Variants in PKN2 observed in about 807,000 individuals in gnomAD.
PKN2 encodes the protein serine/threonine-protein kinase N2.
PKN2 carries 38 observed loss-of-function variants against 119.1 expected under a neutral mutation model. The ratio of observed to expected loss-of-function variants is 0.32; its 90% CI spans 0.25 to 0.42. The LOEUF (loss-of-function observed/expected upper bound fraction) is 0.42. PKN2 is among the 10% of genes least tolerant of loss of function. PKN2 has a pLI of 1.00. For missense variants in PKN2, 850 were observed against 1,165.1 expected (o/e 0.73, Z 3.94); for synonymous variants, 390 against 384.9 (o/e 1.01, Z -0.15).
At chr1:88,684,738 T>A in intron 1 of PKN2, 110 bp downstream of exon 1, 1 of 940,308 alleles carries the variant, frequency 1.1e-6, no homozygotes, top group Non-Finnish European at 1.5e-6. Context: ...CCTAGCCCGC[T>A]AAGTGCGGAA....
chr1:88,757,172 G>C (rs1346509001), intron 2 of PKN2, among the ~76,000 whole-genome samples: 2 of 152,194 alleles, frequency 1.3e-5, no homozygotes, highest in Non-Finnish European at 2.9e-5. Context: ...AGTTAATTGT[G>C]TGGCTTTGCC....
chr1:88,800,078 A>C (rs571958069), intron 8 of PKN2, among the ~76,000 whole-genome samples: 2 of 152,002 alleles, frequency 1.3e-5, no homozygotes, highest in South Asian at 4.2e-4. Flanking sequence ...TTGGCGGTGG[A>C]GCCTGGTTCT....
intron 15 of PKN2, among the ~76,000 whole-genome samples, chr1:88,813,298 C>CACTA (rs1180669077): frequency 6.6e-6 from 1 of 152,016 alleles, no homozygotes; most frequent in Non-Finnish European, 1.5e-5. Context: ...CAACTGTAAC[C>CACTA]ACTAACCATG....
intron 6 of PKN2, among the ~76,000 whole-genome samples, chr1:88,775,508 T>C (rs766662500): frequency 2.6e-5 from 4 of 152,230 alleles, no homozygotes; most frequent in Non-Finnish European, 5.9e-5. Flanking sequence ...ATTCATTCAT[T>C]TACCGAAGGA....
chr1:88,832,906 C>A, intron 20 of PKN2, 55 bp downstream of exon 20: 1 of 1,249,038 alleles, frequency 8.0e-7, no homozygotes. Flanking sequence ...ATTTTTTATA[C>A]TAAAGAAAAT....
chr1:88,784,331 C>G (rs1019693611), intron 6 of PKN2, among the ~76,000 whole-genome samples: 1 of 151,870 alleles, frequency 6.6e-6, no homozygotes, highest in Admixed American at 6.6e-5. Flanking sequence ...CCATGTTGCC[C>G]AGGCTGGTCT....
intron 1 of PKN2, among the ~76,000 whole-genome samples, chr1:88,689,642 C>G (rs565859750): frequency 2.0e-5 from 3 of 152,172 alleles, no homozygotes; most frequent in African/African-American, 7.2e-5. Context: ...GAAACCCTGT[C>G]TCTACTAAAA....
chr1:88,746,666 CATT>C (rs1668783363), intron 2 of PKN2, among the ~76,000 whole-genome samples: 1 of 152,048 alleles, frequency 6.6e-6, no homozygotes, highest in Admixed American at 6.6e-5. Context: ...GGTATTGTAA[CATT>C]AGTATGGCCA....
intron 8 of PKN2, among the ~76,000 whole-genome samples, chr1:88,789,808 C>T (rs1464992097): frequency 6.6e-6 from 1 of 151,818 alleles, no homozygotes; most frequent in African/African-American, 2.4e-5. Flanking sequence ...ACTTTTAAAC[C>T]ACCGCACTCC....
intron 2 of PKN2, among the ~76,000 whole-genome samples, chr1:88,758,093 G>GAAT (rs1669284291): frequency 6.7e-6 from 1 of 148,666 alleles, no homozygotes; most frequent in African/African-American, 2.5e-5. Flanking sequence ...GGATTATCCG[G>GAAT]AATAACTAGA....
chr1:88,740,913 G>C, intron 1 of PKN2, 75 bp from the exon 2 acceptor site: 1 of 909,282 alleles, frequency 1.1e-6, no homozygotes, highest in Non-Finnish European at 1.7e-6. Flanking sequence ...ACTCTCTTAG[G>C]CTGAAAACAC....
intron 16 of PKN2, among the ~76,000 whole-genome samples, chr1:88,817,150 G>A (rs1206729305): frequency 6.6e-6 from 1 of 152,072 alleles, no homozygotes; most frequent in African/African-American, 2.4e-5. Flanking sequence ...AAAATCTTCA[G>A]TAAAACACTG....
At chr1:88,753,055 A>G (rs1421926769) in intron 2 of PKN2, among the ~76,000 whole-genome samples, 2 of 152,178 alleles carry the variant, frequency 1.3e-5, no homozygotes, top group South Asian at 2.1e-4. Context: ...CATCATGCAT[A>G]CTTATCAAAG....
At chr1:88,812,499 G>A (rs926474066) in intron 15 of PKN2, among the ~76,000 whole-genome samples, 10 of 152,078 alleles carry the variant, frequency 6.6e-5, no homozygotes, top group African/African-American at 1.9e-4. Flanking sequence ...CAGTACTTTG[G>A]GAGGCCAAGG....
chr1:88,784,417 G>A (rs938350750), intron 6 of PKN2, among the ~76,000 whole-genome samples: 7 of 152,016 alleles, frequency 4.6e-5, no homozygotes, highest in African/African-American at 1.7e-4. Flanking sequence ...CAGCCAGGAG[G>A]TGCTGTTCTT....
chr1:88,825,384 A>T (rs548236319), intron 18 of PKN2, among the ~76,000 whole-genome samples: 1 of 152,304 alleles, frequency 6.6e-6, no homozygotes, highest in African/African-American at 2.4e-5. Context: ...AAAGATATAT[A>T]TTCAACTGTC....
chr1:88,690,221 C>G lies in PKN2; in HGVS notation c.48+5593C>G, dbSNP rs191573397. 5.9e-5 allele frequency among the ~76,000 whole-genome samples: 9 copies of G among 152,312 alleles called. No individual in the cohort carries two copies. The East Asian group carries it at 1.5e-3, about 26-fold the overall frequency. On this transcript the variant is annotated intron_variant, in intron 1 of 21. Transcript: ENST00000370521. Reference sequence around the variant, plus strand: ...AGAGCTTAGCATCTGATTCCTTGGGCTCTCTTATTTCTGCTTTTTGAATTT... The same window carrying G: ...AGAGCTTAGCATCTGATTCCTTGGGGTCTCTTATTTCTGCTTTTTGAATTT...
chr1:88,772,085 C>A (rs1383070707), intron 6 of PKN2, among the ~76,000 whole-genome samples: 1 of 152,132 alleles, frequency 6.6e-6, no homozygotes. Flanking sequence ...ATCACCACTA[C>A]CTAGTTTCAA....
chr1:88,771,870 G>T lies in PKN2; in HGVS notation c.976G>T (p.Ala326Ser). 6.2e-7 allele frequency: 1 copy of T among 1,608,168 alleles called. No individual in the cohort carries two copies. Among genetic ancestry groups the T allele is most frequent in the Non-Finnish European group, 8.5e-7 (1 of 1,174,834 alleles). Residue 326 changes from alanine to serine, a missense_variant, in exon 6 of 22, where the codon GCA (alanine) becomes TCA (serine). By Grantham distance (99) the Ala-to-Ser change is moderately conservative (BLOSUM62 1). This residue lies in a region of PKN2 where 350 missense variants were observed against 511.1 expected (regional missense o/e 0.68). Coordinates refer to ENST00000370521, the MANE Select transcript of PKN2 (RefSeq NM_006256.4). ...ATATAGTACACTATCCAAACCAGCAGCACTAACAGGTATGTAGTGTATAGC... is the reference window on the plus strand; with the variant it reads ...ATATAGTACACTATCCAAACCAGCATCACTAACAGGTATGTAGTGTATAGC... ...NQYSTLSKPA[A>S]LTGTLEVRLM... is the part of the protein sequence containing the mutation.
Sources: gnomAD v4.1 joint callset for allele counts (sites outside exome capture counted in the v4.1 genomes callset) on GRCh38, gnomAD v4.1.1 for gene constraint, gnomAD v4.1.1 regional missense constraint, MANE v1.5 for transcripts, NCBI Gene and HGNC (gene_info 2026-07-23, HGNC 2026-07-21) for gene names.